Variants in AUTS2 observed in about 807,000 individuals in gnomAD.
AUTS2 encodes autism susceptibility gene 2 protein.
AUTS2 carries 17 observed loss-of-function variants against 112.4 expected under a neutral mutation model. That is an observed-to-expected ratio of 0.15 (90% CI 0.10 to 0.23). AUTS2 has a LOEUF of 0.23. Among genes scored for constraint, AUTS2 ranks in the 10% least tolerant of loss-of-function variants. The pLI is 1.00. For missense variants in AUTS2, 1,510 were observed against 1,701.6 expected, an observed-to-expected ratio of 0.89 and a Z score of 1.98; for synonymous variants, 751 against 702.7, an observed-to-expected ratio of 1.07 and a Z score of -1.09.
At chr7:70,277,921 T>C (rs1788003776) in intron 4 of AUTS2, among the ~76,000 whole-genome samples, 1 of 143,784 alleles carries the variant, frequency 7.0e-6, no homozygotes, top group South Asian at 2.3e-4. Flanking sequence ...ATTTGCCTTG[T>C]GTATTTGTGT....
intron 5 of AUTS2, among the ~76,000 whole-genome samples, chr7:70,563,333 T>C (rs1801568231): frequency 6.6e-6 from 1 of 152,226 alleles, no homozygotes; most frequent in South Asian, 2.1e-4. Flanking sequence ...TGGTAGCCCT[T>C]TCCAAAGTAC....
chr7:70,056,783 A>G (rs1349504617), intron 2 of AUTS2, among the ~76,000 whole-genome samples: 1 of 152,196 alleles, frequency 6.6e-6, no homozygotes, highest in African/African-American at 2.4e-5. Flanking sequence ...CGAAGATGGA[A>G]TACCAGATAA....
At chr7:69,831,459 C>A (rs1385365749) in intron 1 of AUTS2, among the ~76,000 whole-genome samples, 2 of 152,008 alleles carry the variant, frequency 1.3e-5, no homozygotes, top group African/African-American at 4.8e-5. Flanking sequence ...TTACTGCTGC[C>A]AGTCTTGGTG....
At chr7:70,374,853 C>T (rs1562920275) in intron 4 of AUTS2, among the ~76,000 whole-genome samples, 1 of 152,096 alleles carries the variant, frequency 6.6e-6, no homozygotes, top group Non-Finnish European at 1.5e-5. Context: ...CATGTGCGTG[C>T]ACACAGACCG....
At chr7:69,905,670 G>C (rs1182574475) in intron 2 of AUTS2, among the ~76,000 whole-genome samples, 1 of 152,056 alleles carries the variant, frequency 6.6e-6, no homozygotes, top group African/African-American at 2.4e-5. Context: ...TCCCTACTTA[G>C]TTCACTGAGA....
chr7:70,075,290 C>T (rs1277590209), intron 2 of AUTS2, among the ~76,000 whole-genome samples: 1 of 152,140 alleles, frequency 6.6e-6, no homozygotes, highest in Non-Finnish European at 1.5e-5. Flanking sequence ...CCCTCAAGTT[C>T]AGCCCACTCA....
At position 70,752,699 on chromosome 7, in the gene AUTS2, A is replaced by C. The variant is rs188501166; in HGVS notation, c.743-10171A>C. On this transcript the variant is annotated intron_variant, in intron 6 of 18. Transcript: ENST00000342771. ...TTTTCCCCCGTATGAAGTGACAATC[A>C]CATGGATTATATGTGACCTTGACAT... Among the ~76,000 whole-genome samples, 81 of 152,298 alleles carry C rather than the reference A, an allele frequency of 5.3e-4. 1 individual carries two copies. The highest frequency in any genetic ancestry group is 2.9e-3 in the Admixed American group (45 of 15,290).
intron 1 of AUTS2, among the ~76,000 whole-genome samples, chr7:69,730,019 T>TTTTTTTTTTTTTTTTTTTTTA (rs10684332): frequency 3.8e-5 from 5 of 132,040 alleles, no homozygotes; most frequent in Non-Finnish European, 8.0e-5. Flanking sequence ...TTTTTTTTTT[T>TTTTTTTTTTTTTTTTTTTTTA]AGAAACTAGG....
chr7:69,786,019 A>G (rs536582732), intron 1 of AUTS2, among the ~76,000 whole-genome samples: 5 of 152,178 alleles, frequency 3.3e-5, no homozygotes, highest in African/African-American at 9.6e-5. Context: ...TTTAGTAGAA[A>G]CGGGGTTTCA....
chr7:69,936,996 A>G (rs1038175151), intron 2 of AUTS2, among the ~76,000 whole-genome samples: 2 of 147,470 alleles, frequency 1.4e-5, no homozygotes, highest in Non-Finnish European at 3.0e-5. Flanking sequence ...CTTCCCCTCC[A>G]TCTTACTTTC....
At chr7:70,192,546 G>A (rs1562777879) in intron 4 of AUTS2, among the ~76,000 whole-genome samples, 1 of 152,098 alleles carries the variant, frequency 6.6e-6, no homozygotes. Flanking sequence ...AAGCTGAGAG[G>A]GGGCCAGAGC....
At chr7:69,667,017 C>T (rs1302132023) in intron 1 of AUTS2, among the ~76,000 whole-genome samples, 1 of 152,150 alleles carries the variant, frequency 6.6e-6, no homozygotes. Context: ...TTATTTCTTA[C>T]AGTTGTTGGA....
At chr7:70,417,040 T>C (rs915544721) in intron 4 of AUTS2, among the ~76,000 whole-genome samples, 1 of 152,108 alleles carries the variant, frequency 6.6e-6, no homozygotes, top group African/African-American at 2.4e-5. Flanking sequence ...GTCTATCTTC[T>C]GTGAAAGGAG....
intron 5 of AUTS2, among the ~76,000 whole-genome samples, chr7:70,491,556 TA>T (rs1798241355): frequency 6.8e-6 from 1 of 147,132 alleles, no homozygotes; most frequent in Non-Finnish European, 1.5e-5. Flanking sequence ...ATGTTATATA[TA>T]ATATATTATG....
At chr7:70,280,518 G>A (rs112928190) in intron 4 of AUTS2, among the ~76,000 whole-genome samples, 2,067 of 147,156 alleles carry the variant, frequency 0.014, 69 homozygotes, top group African/African-American at 0.049. Flanking sequence ...GGCTAGTCTC[G>A]ATCTTTTGAC....
At chr7:70,269,701 C>T (rs895864232) in intron 4 of AUTS2, among the ~76,000 whole-genome samples, 1 of 152,186 alleles carries the variant, frequency 6.6e-6, no homozygotes, top group East Asian at 1.9e-4. Context: ...TAATAAATAT[C>T]AGTTGCTAAC....
At chr7:70,691,113 A>T (rs1227809325) in intron 5 of AUTS2, among the ~76,000 whole-genome samples, 1 of 152,188 alleles carries the variant, frequency 6.6e-6, no homozygotes, top group Non-Finnish European at 1.5e-5. Context: ...CATTTTTTTT[A>T]AACTGATTAA....
intron 2 of AUTS2, among the ~76,000 whole-genome samples, chr7:69,937,823 T>C (rs1202927581): frequency 2.0e-5 from 3 of 152,202 alleles, no homozygotes; most frequent in Admixed American, 6.5e-5. Flanking sequence ...CTGTGCTCTT[T>C]CCATGTGTTG....
intron 1 of AUTS2, among the ~76,000 whole-genome samples, chr7:69,803,428 T>C (rs1308333679): frequency 6.6e-6 from 1 of 152,168 alleles, no homozygotes; most frequent in Non-Finnish European, 1.5e-5. Context: ...ATAATGATGT[T>C]GGATTGCTTT....
Sources: allele counts gnomAD v4.1 joint callset (sites outside exome capture counted in the v4.1 genomes callset), GRCh38; gene constraint gnomAD v4.1.1; transcripts MANE v1.5; gene names NCBI Gene and HGNC (gene_info 2026-07-23, HGNC 2026-07-21).